GATAD2B: variants seen among roughly 807,000 people sequenced by gnomAD.
The protein encoded by GATAD2B is transcriptional repressor p66-beta.
Under a neutral mutation model 64.3 loss-of-function variants are expected in GATAD2B, and 8 were observed. That is an observed-to-expected ratio of 0.12 (90% confidence interval 0.07 to 0.22). The LOEUF (loss-of-function observed/expected upper bound fraction) is 0.22. GATAD2B is among the 10% of genes least tolerant of loss of function. The pLI, the probability that GATAD2B is intolerant of heterozygous loss-of-function variation, is 1.00. For synonymous variants in GATAD2B, 281 were observed against 271.3 expected (o/e 1.04, Z -0.35); for missense variants, 453 against 752.0 (o/e 0.60, Z 4.65).
intron 1 of GATAD2B, among the ~76,000 whole-genome samples, chr1:153,856,921 T>C (rs1278934183): frequency 6.6e-6 from 1 of 152,034 alleles, no homozygotes; most frequent in Admixed American, 6.6e-5. Flanking sequence ...CTTGTTGGCT[T>C]GTAAGGGATT....
intron 1 of GATAD2B, among the ~76,000 whole-genome samples, chr1:153,866,833 G>A (rs1223070300): frequency 6.6e-6 from 1 of 152,328 alleles, no homozygotes; most frequent in East Asian, 1.9e-4. Flanking sequence ...CCAGGCTGGA[G>A]TGCAGTGGCA....
intron 1 of GATAD2B, chr1:153,886,323 G>A (rs1677182792): frequency 6.6e-6 from 1 of 152,094 alleles, no homozygotes; most frequent in Non-Finnish European, 1.5e-5. Context: ...AACCTATATA[G>A]TATAGTCTGT....
chr1:153,875,031 C>T (rs182806429), intron 1 of GATAD2B, among the ~76,000 whole-genome samples: 1 of 152,226 alleles, frequency 6.6e-6, no homozygotes, highest in Admixed American at 6.6e-5. Context: ...CAGGGACATG[C>T]CACCATGCCC....
intron 7 of GATAD2B, among the ~76,000 whole-genome samples, chr1:153,813,966 AGACTCAGTCT>A (rs993153035): frequency 6.6e-6 from 1 of 152,214 alleles, no homozygotes; most frequent in Non-Finnish European, 1.5e-5. Flanking sequence ...TAACAGAACA[AGACTCAGTCT>A]CAAACAACAA....
intron 1 of GATAD2B, among the ~76,000 whole-genome samples, chr1:153,894,885 G>A (rs773341055): frequency 2.6e-5 from 4 of 150,976 alleles, no homozygotes; most frequent in Admixed American, 6.6e-5. Context: ...AAGGCTGGGC[G>A]AGGTGGCTCA....
chr1:153,847,320 T>C (rs1207140502), intron 1 of GATAD2B, among the ~76,000 whole-genome samples: 1 of 152,176 alleles, frequency 6.6e-6, no homozygotes, highest in Non-Finnish European at 1.5e-5. Flanking sequence ...TTAATTATTG[T>C]ATTTAGTCCC....
rs1316363428 is a variant in GATAD2B, at chr1:153,858,629, G to A, written c.-1-30281C>T. Reference sequence around the variant, plus strand: ...CATAAACAAAGCCCCGGCTACTCAGGAGGCTGAGGCGTGAGGATCACTTGG... The same window carrying A: ...CATAAACAAAGCCCCGGCTACTCAGAAGGCTGAGGCGTGAGGATCACTTGG... On this transcript the variant is annotated intron_variant, in intron 1 of 10. Transcript: ENST00000368655. 2.0e-5 allele frequency among the ~76,000 whole-genome samples: 3 copies of A among 152,084 alleles called. No individual in the cohort carries two copies. In the East Asian group the frequency reaches 5.8e-4, roughly 29 times the overall value.
intron 1 of GATAD2B, among the ~76,000 whole-genome samples, chr1:153,900,089 T>C (rs894322347): frequency 2.0e-5 from 3 of 152,140 alleles, no homozygotes; most frequent in African/African-American, 7.2e-5. Context: ...AACAATGAGC[T>C]GCAAATGTCA....
intron 1 of GATAD2B, among the ~76,000 whole-genome samples, 170 bp from the exon 2 acceptor site, chr1:153,828,518 C>G (rs1353552353): frequency 6.6e-6 from 1 of 151,708 alleles, no homozygotes; most frequent in Non-Finnish European, 1.5e-5. Flanking sequence ...TAAGCTATGT[C>G]CTACCTGATA....
At chr1:153,838,062 T>C (rs1675337010) in intron 1 of GATAD2B, among the ~76,000 whole-genome samples, 2 of 152,230 alleles carry the variant, frequency 1.3e-5, no homozygotes, top group Admixed American at 1.3e-4. Context: ...GTATTGTTTC[T>C]ACTTCACAGG....
chr1:153,865,512 A>C (rs1383385043), intron 1 of GATAD2B, among the ~76,000 whole-genome samples: 1 of 151,804 alleles, frequency 6.6e-6, no homozygotes, highest in Non-Finnish European at 1.5e-5. Flanking sequence ...TGACCAGGAC[A>C]CTCCCCTTCT....
intron 1 of GATAD2B, among the ~76,000 whole-genome samples, chr1:153,877,734 C>T (rs961531369): frequency 1.3e-5 from 2 of 151,466 alleles, no homozygotes; most frequent in African/African-American, 2.4e-5. Context: ...GAAAATTAGC[C>T]GGGTGTGGTG....
chr1:153,813,523 C>T (rs1674361330), intron 7 of GATAD2B, 71 bp from the exon 8 acceptor site: 2 of 1,030,348 alleles, frequency 1.9e-6, no homozygotes, highest in East Asian at 2.4e-5. Context: ...TCAAATAGAT[C>T]TTTTCCAGGA....
At position 153,827,722 on chromosome 1, in the gene GATAD2B, G is replaced by A. The variant is rs905860364; in HGVS notation, c.335+291C>T. 11 of 404,202 alleles carry A rather than the reference G, an allele frequency of 2.7e-5. No individual in the cohort carries two copies. In the Admixed American group the frequency reaches 4.1e-4, roughly 15 times the overall value. 25.0% of individuals were successfully genotyped at this position (404,202 alleles called of 1,614,324 possible). A position where few individuals can be genotyped will look rare whatever the true frequency, so the allele number is the denominator to read the frequency against. Reference sequence around the variant, plus strand: ...GACGGCCATGAAGATTAGAATGAAGGTATATATTAACTCACTTCCATTTGG... The same window carrying A: ...GACGGCCATGAAGATTAGAATGAAGATATATATTAACTCACTTCCATTTGG... On this transcript the variant is annotated intron_variant, in intron 2 of 10. Coordinates refer to ENST00000368655, the MANE Select transcript of GATAD2B (RefSeq NM_020699.4).
chr1:153,918,959 A>C (rs544010284), intron 1 of GATAD2B, among the ~76,000 whole-genome samples: 1 of 103,814 alleles, frequency 9.6e-6, no homozygotes, highest in South Asian at 3.0e-4. Flanking sequence ...CTCAAAAAAT[A>C]TAAAATAAAA....
chr1:153,859,907 C>CT lies in GATAD2B; in HGVS notation c.-1-31560dup, dbSNP rs34557576. On this transcript the variant is annotated intron_variant, in intron 1 of 10. Coordinates refer to ENST00000368655, the MANE Select transcript of GATAD2B (RefSeq NM_020699.4). ...CTGTCAAGGAATTTTCTTTTCTTTT[C>CT]TTTTTTTTTTTTTTTTTTTTTTTTT... is the stretch of plus-strand genomic sequence containing the variant. 9.9e-3 allele frequency among the ~76,000 whole-genome samples: 603 copies of CT among 60,884 alleles called. 39 individuals carry two copies. Among genetic ancestry groups the CT allele is most frequent in the African/African-American group, 0.022 (314 of 14,440 alleles). The allele number at this position is 60,884 out of a possible 152,430, so 39.9% of individuals were successfully genotyped here. A position where few individuals can be genotyped will look rare whatever the true frequency, so the allele number is the denominator to read the frequency against.
At chr1:153,891,231 G>A (rs1677388201) in intron 1 of GATAD2B, among the ~76,000 whole-genome samples, 2 of 150,078 alleles carry the variant, frequency 1.3e-5, no homozygotes, top group Non-Finnish European at 3.0e-5. Flanking sequence ...AAAAAGGGAA[G>A]GGAAAGGAAA....
chr1:153,914,227 CAAAAA>C (rs759245034), intron 1 of GATAD2B, among the ~76,000 whole-genome samples: 7 of 65,960 alleles, frequency 1.1e-4, no homozygotes, highest in African/African-American at 3.0e-4. Flanking sequence ...CCCAGACTCT[CAAAAA>C]AAAAAAAAAA....
intron 1 of GATAD2B, among the ~76,000 whole-genome samples, chr1:153,905,792 T>C (rs1043133306): frequency 7.3e-6 from 1 of 137,114 alleles, no homozygotes; most frequent in Non-Finnish European, 1.6e-5. Context: ...AAAAGCCGGG[T>C]GCAGTGGCTC....
Sources: allele counts gnomAD v4.1 joint callset (sites outside exome capture counted in the v4.1 genomes callset), GRCh38; gene constraint gnomAD v4.1.1; transcripts MANE v1.5; gene names NCBI Gene and HGNC (gene_info 2026-07-23, HGNC 2026-07-21).